Variants in DHX40 observed in about 807,000 individuals in gnomAD.
The protein encoded by DHX40 is DEAH-box helicase 40, also known as probable ATP-dependent RNA helicase DHX40.
In DHX40, 28 loss-of-function variants were observed where a neutral mutation model predicts 89.6. That is an observed-to-expected ratio of 0.31 (90% CI 0.23 to 0.43). The LOEUF (loss-of-function observed/expected upper bound fraction) is 0.43. Among genes scored for constraint, DHX40 ranks in the 20% least tolerant of loss-of-function variants. The pLI, the probability that DHX40 is intolerant of heterozygous loss-of-function variation, is 1.00. For missense variants in DHX40, 457 were observed against 844.0 expected, an observed-to-expected ratio of 0.54 and a Z score of 5.68; for synonymous variants, 226 against 283.6, an observed-to-expected ratio of 0.80 and a Z score of 2.04.
chr17:59,589,837 C>T (rs2049055752), intron 12 of DHX40, among the ~76,000 whole-genome samples: 1 of 147,344 alleles, frequency 6.8e-6, no homozygotes, highest in Admixed American at 6.7e-5. Context: ...TCTTCTGCCT[C>T]AGCCTCCCAG....
chr17:59,603,255 C>T (rs2143366868), intron 15 of DHX40: 2 of 152,106 alleles, frequency 1.3e-5, no homozygotes, highest in Middle Eastern at 6.8e-3. Flanking sequence ...TGGATGGACA[C>T]TGGAATAAAA....
chr17:59,603,970 C>T (rs965158835), intron 15 of DHX40: 1 of 152,012 alleles, frequency 6.6e-6, no homozygotes, highest in African/African-American at 2.4e-5. Flanking sequence ...TTAAAGGTGC[C>T]AAGATCATGA....
intron 7 of DHX40, among the ~76,000 whole-genome samples, chr17:59,575,905 T>G (rs1262843739): frequency 1.3e-5 from 2 of 151,856 alleles, no homozygotes; most frequent in Non-Finnish European, 2.9e-5. Context: ...TGTTTTTTTT[T>G]TGTGATGGAG....
Position 59,607,983 on chromosome 17 carries a change from G to A in DHX40, c.*811G>A, listed in dbSNP as rs2030962563. On this transcript the variant is annotated 3_prime_UTR_variant, in exon 18 of 18. Coordinates refer to ENST00000251241, the MANE Select transcript of DHX40 (RefSeq NM_024612.5). ...AGGTGTGATAGTACTTTCAAACAGCGCCTCCACCTGGCCTACTCTGTTATT... is the reference window on the plus strand; with the variant it reads ...AGGTGTGATAGTACTTTCAAACAGCACCTCCACCTGGCCTACTCTGTTATT... 3 of 154,460 alleles carry A rather than the reference G, an allele frequency of 1.9e-5. No individual in the cohort carries two copies. Among genetic ancestry groups the A allele is most frequent in the Non-Finnish European group, 4.4e-5 (3 of 68,182 alleles). 9.6% of individuals were successfully genotyped at this position (154,460 alleles called of 1,614,324 possible).
chr17:59,589,902 G>T (rs2049056765), intron 12 of DHX40, among the ~76,000 whole-genome samples: 1 of 150,374 alleles, frequency 6.7e-6, no homozygotes, highest in South Asian at 2.1e-4. Flanking sequence ...TGTATTTTTA[G>T]TAGAGATGGG....
chr17:59,573,227 C>T lies in DHX40; in HGVS notation c.538C>T (p.Leu180=), dbSNP rs959656733. 8.1e-6 allele frequency: 13 copies of T among 1,606,184 alleles called. No homozygotes were observed. Among genetic ancestry groups the T allele is most frequent in the Middle Eastern group, 1.7e-4 (1 of 6,048 alleles). Residue 180 remains leucine, a synonymous_variant, in exon 4 of 18, where the codon CTA becomes TTA. Coordinates refer to ENST00000251241, the MANE Select transcript of DHX40 (RefSeq NM_024612.5). The part of the protein sequence containing the change: ...IILDEAHERT[L]TTDILFGLLK... ...TTTGGATGAAGCCCATGAAAGAACT[C>T]TAACTACAGTGAGTATTTTAATTTA...
chr17:59,570,729 G>T lies in DHX40; in HGVS notation c.426+66G>T. On this transcript the variant is annotated intron_variant, in intron 3 of 17. Transcript: ENST00000251241. ...GGACAGGGTCTTGCTCTGTCGCCCA[G>T]CCTGGAGTGCGTGGCGCAATCATGG... is the stretch of plus-strand genomic sequence containing the variant. The T allele has an allele frequency of 7.3e-6, 11 of 1,496,654 alleles. No homozygotes were observed. In the South Asian group the frequency reaches 1.0e-4, roughly 14 times the overall value. 92.7% of individuals were successfully genotyped at this position (1,496,654 alleles called of 1,614,324 possible).
intron 12 of DHX40, among the ~76,000 whole-genome samples, chr17:59,592,011 T>G (rs1397518097): frequency 1.3e-5 from 2 of 151,590 alleles, no homozygotes; most frequent in African/African-American, 4.8e-5. Flanking sequence ...TGGGACCACA[T>G]GCATATGCTA....
intron 12 of DHX40, among the ~76,000 whole-genome samples, chr17:59,598,067 T>G (rs1277789703): frequency 6.6e-6 from 1 of 151,962 alleles, no homozygotes; most frequent in Non-Finnish European, 1.5e-5. Context: ...GGATCTTGCT[T>G]TGTTGCCTAG....
chr17:59,598,937 C>T (rs545541222), intron 13 of DHX40, 86 bp downstream of exon 13: 22 of 738,862 alleles, frequency 3.0e-5, no homozygotes, highest in Non-Finnish European at 4.1e-5. Context: ...GTGACACTAA[C>T]GTTCAGTGAA....
chr17:59,577,368 A>G lies in DHX40; in HGVS notation c.1073+3A>G. 1 of 1,610,968 alleles carries G rather than the reference A, an allele frequency of 6.2e-7. No individual in the cohort carries two copies. Among genetic ancestry groups the G allele is most frequent in the South Asian group, 1.1e-5 (1 of 90,984 alleles). ...TCTTTGACAATAGATGGAATCAGGT[A>G]AAACTTTTGAACTTTCTCTTAAAGT... On this transcript the variant is annotated splice_donor_region_variant and intron_variant, in intron 8 of 17. Transcript: ENST00000251241.
At chr17:59,587,793 A>G (rs1203747585) in intron 11 of DHX40, 103 bp from the exon 12 acceptor site, 1 of 1,502,460 alleles carries the variant, frequency 6.7e-7, no homozygotes, top group Non-Finnish European at 9.0e-7. Context: ...TCTGGAGGTG[A>G]TTGGAGGTAA....
Position 59,565,688 on chromosome 17 carries a change from C to G in DHX40, c.17C>G (p.Ala6Gly). The change falls in exon 1 of 18, where the codon GCA (alanine) becomes GGA (glycine). Residue 6 changes from alanine (A) to glycine (G), a missense_variant. By Grantham distance (60) the Ala-to-Gly change is moderately conservative. Around this residue, in one of 9 missense-constraint regions of DHX40, gnomAD observed 75 missense variants for 76.8 expected, o/e 0.98. Transcript: ENST00000251241. The stretch of plus-strand genomic sequence containing the variant: ...GCCAGGTCTATGTCCCGGTTTCCCG[C>G]AGTCGCGGGCAGGGCGCCAAGGCGG... MSRFP[A>G]VAGRAPRRQE... 1 of 1,601,794 alleles carries G rather than the reference C, an allele frequency of 6.2e-7. No homozygotes were observed. Among genetic ancestry groups the G allele is most frequent in the Non-Finnish European group, 8.5e-7 (1 of 1,179,394 alleles).
intron 12 of DHX40, among the ~76,000 whole-genome samples, chr17:59,596,366 AGGCCAACCT>A (rs2030076217): frequency 6.6e-6 from 1 of 152,254 alleles, no homozygotes; most frequent in Non-Finnish European, 1.5e-5. Context: ...CAGGAGTTCA[AGGCCAACCT>A]GGCCAACATG....
At chr17:59,570,990 CTCCT>C (rs1349142421) in intron 3 of DHX40, among the ~76,000 whole-genome samples, 1 of 152,138 alleles carries the variant, frequency 6.6e-6, no homozygotes, top group East Asian at 1.9e-4. Flanking sequence ...ATCCCATTTT[CTCCT>C]TCCTTAGTTT....
rs1185657256 is a variant in DHX40 at position 59,607,184 on chromosome 17, C to T, written c.*12C>T. ...AGGAAACAGGCTAAGGTGGTGAACC[C>T]TCCAATTCAGGAAGTGGGAAAAGGA... is the stretch of plus-strand genomic sequence containing the variant. On this transcript the variant is annotated 3_prime_UTR_variant, in exon 18 of 18. Coordinates refer to ENST00000251241, the MANE Select transcript of DHX40 (RefSeq NM_024612.5). 1 of 1,614,168 alleles carries T rather than the reference C, an allele frequency of 6.2e-7. No homozygotes were observed. Among genetic ancestry groups the T allele is most frequent in the Non-Finnish European group, 8.5e-7 (1 of 1,180,036 alleles).
intron 14 of DHX40, among the ~76,000 whole-genome samples, chr17:59,601,710 C>T (rs765754338): frequency 5.9e-5 from 9 of 152,076 alleles, no homozygotes; most frequent in East Asian, 1.9e-4. Context: ...AATTTTTCAG[C>T]GGATGCCAAA....
intron 12 of DHX40, among the ~76,000 whole-genome samples, chr17:59,592,320 T>C (rs1234459107): frequency 1.3e-5 from 2 of 151,886 alleles, no homozygotes; most frequent in African/African-American, 4.8e-5. Context: ...AACTACAGTT[T>C]GATATTTGTT....
intron 1 of DHX40, among the ~76,000 whole-genome samples, chr17:59,566,117 T>C (rs911208071): frequency 6.6e-6 from 1 of 152,116 alleles, no homozygotes; most frequent in Non-Finnish European, 1.5e-5. Context: ...AGCCTGCCTT[T>C]GGGTACAGTA....
Sources: gnomAD v4.1 joint callset for allele counts (sites outside exome capture counted in the v4.1 genomes callset) on GRCh38, gnomAD v4.1.1 for gene constraint, gnomAD v4.1.1 regional missense constraint, MANE v1.5 for transcripts, NCBI Gene and HGNC (gene_info 2026-07-23, HGNC 2026-07-21) for gene names.